Variants in VOPP1 observed in about 807,000 individuals in gnomAD.
VOPP1 encodes WW domain binding protein VOPP1.
In VOPP1, 8 loss-of-function variants were observed where a neutral mutation model predicts 23.5. The ratio of observed to expected loss-of-function variants is 0.34; its 90% CI spans 0.20 to 0.61. VOPP1 has a LOEUF of 0.61. Ranked by LOEUF, VOPP1 falls within the 20% of genes least tolerant of loss-of-function variation. The pLI is 0.78. For synonymous variants in VOPP1, 83 were observed against 97.3 expected (o/e 0.85, Z 0.86); for missense variants, 174 against 238.1 (o/e 0.73, Z 1.77).
At chr7:55,542,527 T>C (rs1478116112) in intron 1 of VOPP1, among the ~76,000 whole-genome samples, 1 of 152,198 alleles carries the variant, frequency 6.6e-6, no homozygotes, top group Non-Finnish European at 1.5e-5. Flanking sequence ...TGGTGGCTCA[T>C]GCCTGTGATC....
intron 2 of VOPP1, among the ~76,000 whole-genome samples, chr7:55,518,911 C>T (rs953481174): frequency 2.6e-5 from 4 of 152,138 alleles, no homozygotes; most frequent in South Asian, 2.1e-4. Context: ...TAGAAAGTTT[C>T]GGCAATGGTT....
At chr7:55,563,316 T>C (rs1177445904) in intron 1 of VOPP1, among the ~76,000 whole-genome samples, 1 of 152,196 alleles carries the variant, frequency 6.6e-6, no homozygotes, top group Non-Finnish European at 1.5e-5. Context: ...TTAGAGAAGA[T>C]TATTTGCGTT....
intron 1 of VOPP1, among the ~76,000 whole-genome samples, chr7:55,547,613 T>C (rs891449519): frequency 3.3e-5 from 5 of 152,074 alleles, no homozygotes; most frequent in African/African-American, 1.2e-4. Flanking sequence ...AACAAACCAG[T>C]TGAGTTGGGA....
intron 2 of VOPP1, among the ~76,000 whole-genome samples, chr7:55,512,361 G>C (rs1298081980): frequency 6.6e-6 from 1 of 152,182 alleles, no homozygotes; most frequent in Non-Finnish European, 1.5e-5. Flanking sequence ...GGAAGGCGGA[G>C]GTTGCAGTGA....
At chr7:55,552,715 G>A in intron 1 of VOPP1, 1 of 1,535,744 alleles carries the variant, frequency 6.5e-7, no homozygotes, top group South Asian at 1.2e-5. Context: ...CCCCTCCGAA[G>A]GCAGGAGTCT....
At chr7:55,572,209 G>C (rs1370755690) in intron 1 of VOPP1, 62 bp downstream of exon 1, 6 of 1,420,992 alleles carry the variant, frequency 4.2e-6, no homozygotes, top group Middle Eastern at 2.3e-4. Context: ...GGAACTGCGC[G>C]CCCCCAGCCG....
intron 4 of VOPP1, among the ~76,000 whole-genome samples, chr7:55,453,774 G>T (rs1267363999): frequency 6.6e-6 from 1 of 152,166 alleles, no homozygotes; most frequent in African/African-American, 2.4e-5. Context: ...GGAAAAAAAT[G>T]GCACTGATAG....
intron 1 of VOPP1, among the ~76,000 whole-genome samples, chr7:55,531,395 G>A (rs1327001918): frequency 7.0e-6 from 1 of 142,622 alleles, no homozygotes; most frequent in Non-Finnish European, 1.5e-5. Context: ...TGTCGCCCAT[G>A]CTGGAGTGCA....
intron 4 of VOPP1, among the ~76,000 whole-genome samples, chr7:55,450,576 A>C (rs549175202): frequency 3.3e-5 from 5 of 152,274 alleles, no homozygotes; most frequent in African/African-American, 1.2e-4. Flanking sequence ...ATACTTTGAT[A>C]TATTAGGCTG....
chr7:55,516,521 C>CTGT (rs1198336228), intron 2 of VOPP1, among the ~76,000 whole-genome samples: 1 of 152,184 alleles, frequency 6.6e-6, no homozygotes, highest in African/African-American at 2.4e-5. Context: ...AGCTCAGTCT[C>CTGT]TGTTAGCTTA....
chr7:55,549,687 T>C (rs116113864), intron 1 of VOPP1, among the ~76,000 whole-genome samples: 64 of 152,318 alleles, frequency 4.2e-4, no homozygotes, highest in African/African-American at 1.4e-3. Flanking sequence ...AGGAAGCACC[T>C]GCAATGAGCA....
At chr7:55,540,291 G>A (rs982571702) in intron 1 of VOPP1, among the ~76,000 whole-genome samples, 14 of 151,814 alleles carry the variant, frequency 9.2e-5, no homozygotes, top group Admixed American at 6.6e-5. Context: ...CCAGCTACCC[G>A]GGAGACTGAG....
chr7:55,444,584 G>T (rs1435537883), intron 4 of VOPP1, among the ~76,000 whole-genome samples: 1 of 152,094 alleles, frequency 6.6e-6, no homozygotes, highest in Non-Finnish European at 1.5e-5. Context: ...TCTGGAAACT[G>T]GATACAGGAC....
intron 1 of VOPP1, among the ~76,000 whole-genome samples, chr7:55,542,542 C>A (rs941096462): frequency 6.6e-6 from 1 of 152,184 alleles, no homozygotes; most frequent in Non-Finnish European, 1.5e-5. Flanking sequence ...GTGATCCCAG[C>A]ACTTTGGGAG....
intron 1 of VOPP1, among the ~76,000 whole-genome samples, chr7:55,553,010 G>C (rs1170620142): frequency 6.6e-6 from 1 of 152,198 alleles, no homozygotes; most frequent in African/African-American, 2.4e-5. Context: ...AAAGTCAGGT[G>C]GGAGCTTTTT....
rs546941688 is a variant in VOPP1, at chr7:55,521,728, ACAGGGCAGGGCAGGG to A, written c.55-613_55-599del. On this transcript the variant is annotated intron_variant, in intron 1 of 4. Transcript: ENST00000285279. The stretch of plus-strand genomic sequence containing the variant: ...CATCCCGGAGGCAGGGCCCAGCCCC[ACAGGGCAGGGCAGGG>A]CAGGGCAGGGCAGGGTGGGTGAGTG... 1.2e-5 allele frequency: 12 copies of A among 985,106 alleles called. No individual in the cohort carries two copies. In the Admixed American group the frequency reaches 3.1e-4, roughly 25 times the overall value. 61.0% of individuals were successfully genotyped at this position (985,106 alleles called of 1,614,324 possible).
Position 55,521,031 on chromosome 7 carries a change from A to G in VOPP1, c.113+41T>C, listed in dbSNP as rs1378006527. The G allele has an allele frequency of 4.1e-6, 6 of 1,474,558 alleles. No individual in the cohort carries two copies. The Admixed American group carries it at 9.8e-5, about 24-fold the overall frequency. The allele number at this position is 1,474,558 out of a possible 1,614,324, so 91.3% of individuals were successfully genotyped here. ...AGCAAGACAATTCCCAGAGAAAGGTATGGCCACAGAATGAAACCACAGAAA... is the reference window on the plus strand; with the variant it reads ...AGCAAGACAATTCCCAGAGAAAGGTGTGGCCACAGAATGAAACCACAGAAA... On this transcript the variant is annotated intron_variant, in intron 2 of 4. Coordinates refer to ENST00000285279, the MANE Select transcript of VOPP1 (RefSeq NM_030796.5).
intron 2 of VOPP1, among the ~76,000 whole-genome samples, chr7:55,516,932 ATTTTTTTTTTT>A (rs71031862): frequency 1.2e-3 from 54 of 45,102 alleles, no homozygotes; most frequent in East Asian, 4.4e-3. Context: ...ATATATATAT[ATTTTTTTTTTT>A]TTTTTTTTTT....
At chr7:55,489,901 G>A (rs1371157874) in intron 4 of VOPP1, among the ~76,000 whole-genome samples, 3 of 152,126 alleles carry the variant, frequency 2.0e-5, no homozygotes, top group Non-Finnish European at 2.9e-5. Flanking sequence ...GGAGAAAGTG[G>A]AGATGTGAAG....
Sources: gnomAD v4.1 joint callset for allele counts (sites outside exome capture counted in the v4.1 genomes callset) on GRCh38, gnomAD v4.1.1 for gene constraint, MANE v1.5 for transcripts, NCBI Gene and HGNC (gene_info 2026-07-23, HGNC 2026-07-21) for gene names.